Variants in KCNJ15 observed in about 807,000 individuals in gnomAD.
KCNJ15 encodes the protein potassium inwardly rectifying channel subfamily J member 15, also known as ATP-sensitive inward rectifier potassium channel 15.
A neutral mutation model predicts 23.0 loss-of-function variants in KCNJ15; 14 were observed. The observed-to-expected ratio is 0.61, with a 90% CI of 0.40 to 0.95. The LOEUF (loss-of-function observed/expected upper bound fraction) is 0.95, where lower values mean the gene tolerates loss of function less well. KCNJ15 is among the 40% of genes least tolerant of loss of function. The pLI is 0.00. For synonymous variants in KCNJ15, 185 were observed against 183.2 expected (o/e 1.01, Z -0.08); for missense variants, 388 against 461.8 (o/e 0.84, Z 1.46).
chr21:38,241,768 A>C (rs1255667381), intron 1 of KCNJ15, among the ~76,000 whole-genome samples: 1 of 151,920 alleles, frequency 6.6e-6, no homozygotes, highest in African/African-American at 2.4e-5. Context: ...GGAGTTTGAG[A>C]CCAGTCTGGG....
chr21:38,254,640 C>T (rs1440748963), upstream of KCNJ15, among the ~76,000 whole-genome samples: 2 of 152,064 alleles, frequency 1.3e-5, no homozygotes, highest in Non-Finnish European at 1.5e-5. Context: ...GAAAAATGTA[C>T]GATAATGAAA....
At chr21:38,262,386 A>G (rs1210712039) in intron 1 of KCNJ15, among the ~76,000 whole-genome samples, 2 of 152,234 alleles carry the variant, frequency 1.3e-5, no homozygotes, top group South Asian at 2.1e-4. Flanking sequence ...AAGAATTTAT[A>G]TATGGACAGT....
At chr21:38,281,348 T>G (rs1983318985) in intron 1 of KCNJ15, among the ~76,000 whole-genome samples, 1 of 152,192 alleles carries the variant, frequency 6.6e-6, no homozygotes, top group Non-Finnish European at 1.5e-5. Flanking sequence ...TATTGCATGA[T>G]GCCGAGGTTT....
chr21:38,269,173 T>A (rs1056238498), intron 1 of KCNJ15: 2 of 152,244 alleles, frequency 1.3e-5, no homozygotes, highest in Non-Finnish European at 2.9e-5. Context: ...ATGACCAGAA[T>A]GATTCCTAAT....
Position 38,299,143 on chromosome 21 carries a change from G to T in KCNJ15, c.-18-101G>T. 1.1e-6 allele frequency: 1 copy of T among 907,378 alleles called. No individual in the cohort carries two copies. The highest frequency in any genetic ancestry group is 3.5e-4 in the Middle Eastern group (1 of 2,818). The allele number at this position is 907,378 out of a possible 1,614,324, so 56.2% of individuals were successfully genotyped here. On this transcript the variant is annotated intron_variant, in intron 2 of 2. Coordinates refer to ENST00000398938, the MANE Select transcript of KCNJ15 (RefSeq NM_170736.3). The surrounding 1 kb of genome is among the most constrained non-coding windows in gnomAD (Gnocchi z 4.5). The stretch of plus-strand genomic sequence containing the variant: ...TGCCTTCAGAATTCTCCTTTCTTGT[G>T]TACTTCCATGTACATTCATACTTAC...
chr21:38,258,687 C>T (rs1019835657), intron 1 of KCNJ15, among the ~76,000 whole-genome samples: 2 of 152,206 alleles, frequency 1.3e-5, no homozygotes, highest in Admixed American at 6.5e-5. Flanking sequence ...CTTAGTTGAA[C>T]TTTGTGATTC....
chr21:38,299,142 T>A lies in KCNJ15; in HGVS notation c.-18-102T>A, dbSNP rs1985476898. ...TTGCCTTCAGAATTCTCCTTTCTTG[T>A]GTACTTCCATGTACATTCATACTTA... is the stretch of plus-strand genomic sequence containing the variant. On this transcript the variant is annotated intron_variant, in intron 2 of 2. Transcript: ENST00000398938. The surrounding 1 kb of genome is among the most constrained non-coding windows in gnomAD (Gnocchi z 4.5). The A allele has an allele frequency of 1.1e-6, 1 of 898,938 alleles. No individual in the cohort carries two copies. The allele number at this position is 898,938 out of a possible 1,614,324, so 55.7% of individuals were successfully genotyped here.
intron 1 of KCNJ15, among the ~76,000 whole-genome samples, chr21:38,259,805 C>G (rs1980692244): frequency 1.3e-5 from 2 of 152,114 alleles, no homozygotes; most frequent in South Asian, 4.1e-4. Flanking sequence ...CTATGCCCCT[C>G]AAGGATGCAG....
rs1250288005 is a variant in KCNJ15, at chr21:38,304,854, TG to T, written c.*4466del. Reference sequence around the variant, plus strand: ...CCATGCCCGGCTAATTTTGTTTTTGTGTTTTTAGTAGAGACGGGGTTTCACC... The same window carrying T: ...CCATGCCCGGCTAATTTTGTTTTTGTTTTTTAGTAGAGACGGGGTTTCACC... On this transcript the variant is annotated 3_prime_UTR_variant, in exon 3 of 3. Coordinates refer to ENST00000398938, the MANE Select transcript of KCNJ15 (RefSeq NM_170736.3). 3 of 149,854 alleles carry T rather than the reference TG, an allele frequency of 2.0e-5. No individual in the cohort carries two copies. The highest frequency in any genetic ancestry group is 7.3e-5 in the African/African-American group (3 of 40,958). The allele number at this position is 149,854 out of a possible 1,614,324, so 9.3% of individuals were successfully genotyped here.
At chr21:38,250,803 T>G (rs1286698514) in intron 1 of KCNJ15, among the ~76,000 whole-genome samples, 1 of 152,238 alleles carries the variant, frequency 6.6e-6, no homozygotes. Context: ...ATCACTACTT[T>G]TGTCTTCTCC....
At chr21:38,290,087 A>C (rs1463151637) in intron 1 of KCNJ15, among the ~76,000 whole-genome samples, 13 of 152,220 alleles carry the variant, frequency 8.5e-5, no homozygotes, top group Non-Finnish European at 1.8e-4. Flanking sequence ...TATTTGGGTT[A>C]GCCAGCTCTC....
chr21:38,241,085 T>A (rs1978962784), intron 1 of KCNJ15, among the ~76,000 whole-genome samples: 1 of 152,176 alleles, frequency 6.6e-6, no homozygotes, highest in African/African-American at 2.4e-5. Flanking sequence ...ATAGAGAACA[T>A]CATGGAACAT....
intron 1 of KCNJ15, among the ~76,000 whole-genome samples, chr21:38,258,859 A>G (rs568541064): frequency 2.0e-5 from 3 of 152,238 alleles, no homozygotes; most frequent in African/African-American, 7.2e-5. Context: ...TTGGGGGGAA[A>G]GAGAGCGAGA....
At chr21:38,275,714 A>G (rs984459978) in intron 1 of KCNJ15, among the ~76,000 whole-genome samples, 1 of 152,166 alleles carries the variant, frequency 6.6e-6, no homozygotes, top group African/African-American at 2.4e-5. Context: ...GGTGAATCTC[A>G]TAGGCAGCCA....
intron 1 of KCNJ15, among the ~76,000 whole-genome samples, chr21:38,245,560 CAAAG>C (rs1414203770): frequency 9.8e-6 from 1 of 102,052 alleles, no homozygotes; most frequent in Non-Finnish European, 2.1e-5. Context: ...TTTATAATAA[CAAAG>C]AAAGAAAAGA....
intron 1 of KCNJ15, among the ~76,000 whole-genome samples, chr21:38,264,545 G>A (rs1023941460): frequency 3.3e-5 from 5 of 152,228 alleles, no homozygotes; most frequent in Admixed American, 2.0e-4. Flanking sequence ...CAAGCAATAT[G>A]TATTGAATCC....
At chr21:38,249,808 A>C (rs1037859864) in intron 1 of KCNJ15, among the ~76,000 whole-genome samples, 3 of 152,226 alleles carry the variant, frequency 2.0e-5, no homozygotes, top group Non-Finnish European at 4.4e-5. Flanking sequence ...TGGAGTCTCC[A>C]TCATCTCTAC....
chr21:38,233,111 T>G (rs977790833), intron 1 of KCNJ15, among the ~76,000 whole-genome samples: 1 of 152,054 alleles, frequency 6.6e-6, no homozygotes, highest in African/African-American at 2.4e-5. Flanking sequence ...AGTTTTTGCT[T>G]TATGTATTTT....
At chr21:38,268,211 A>G (rs1307611187) in intron 1 of KCNJ15, among the ~76,000 whole-genome samples, 1 of 152,230 alleles carries the variant, frequency 6.6e-6, no homozygotes, top group Non-Finnish European at 1.5e-5. Flanking sequence ...CACAAACAGG[A>G]TCTGACAAAG....
Sources: allele counts gnomAD v4.1 joint callset (sites outside exome capture counted in the v4.1 genomes callset), GRCh38; gene constraint gnomAD v4.1.1; non-coding constraint Gnocchi (gnomAD v3.1); transcripts MANE v1.5; gene names NCBI Gene and HGNC (gene_info 2026-07-23, HGNC 2026-07-21).